The following ABCC8 variants were observed in gnomAD, a reference collection of about 807,000 sequenced individuals.
ABCC8 encodes the protein ATP binding cassette subfamily C member 8.
A neutral mutation model predicts 188.0 loss-of-function variants in ABCC8; 137 were observed. That is an observed-to-expected ratio of 0.73 (90% CI 0.63 to 0.84). The LOEUF (loss-of-function observed/expected upper bound fraction) is 0.84, where lower values mean the gene tolerates loss of function less well. Among genes scored for constraint, ABCC8 ranks in the 40% least tolerant of loss-of-function variants. The pLI is 0.00. For missense variants in ABCC8, 1,750 were observed against 2,072.7 expected (o/e 0.84, Z 3.02); for synonymous variants, 797 against 846.5 (o/e 0.94, Z 1.01).
chr11:17,414,401 G>A, intron 19 of ABCC8, 111 bp downstream of exon 19: 1 of 1,450,928 alleles, frequency 6.9e-7, no homozygotes, highest in Non-Finnish European at 9.6e-7. Flanking sequence ...AAGCACCTGG[G>A]GAGTGAGATG....
At chr11:17,461,549 A>C (rs998016394) in intron 5 of ABCC8, 34 bp downstream of exon 5, 1 of 1,613,758 alleles carries the variant, frequency 6.2e-7, no homozygotes, top group Admixed American at 1.7e-5. Context: ...ACCAGAAGGC[A>C]GTGAATAGAT....
At chr11:17,439,127 ACTCAACAT>A (rs1956215947) in intron 10 of ABCC8, among the ~76,000 whole-genome samples, 1 of 152,142 alleles carries the variant, frequency 6.6e-6, no homozygotes, top group South Asian at 2.1e-4. Context: ...AATAGGGCTC[ACTCAACAT>A]CCACTGAGCA....
intron 8 of ABCC8, among the ~76,000 whole-genome samples, chr11:17,445,113 T>C (rs750472639): frequency 3.9e-5 from 6 of 152,236 alleles, no homozygotes; most frequent in Non-Finnish European, 8.8e-5. Context: ...ACCTGCCCTC[T>C]CTGGGCCTCT....
chr11:17,453,418 GT>G, intron 6 of ABCC8, 135 bp from the exon 7 acceptor site: 2 of 1,209,274 alleles, frequency 1.7e-6, no homozygotes, highest in South Asian at 1.3e-5. Context: ...TTGTGCAATT[GT>G]TTATGAGTGA....
chr11:17,471,111 T>G (rs1848453282), intron 2 of ABCC8, among the ~76,000 whole-genome samples: 1 of 152,240 alleles, frequency 6.6e-6, no homozygotes, highest in African/African-American at 2.4e-5. Flanking sequence ...GATGGCCTGC[T>G]ACAGCTTGCT....
intron 37 of ABCC8, 73 bp from the exon 38 acceptor site, chr11:17,393,832 G>T: frequency 6.2e-7 from 1 of 1,613,726 alleles, no homozygotes; most frequent in Non-Finnish European, 8.5e-7. Context: ...GGGGGATGTG[G>T]AGCCCAGGTC....
At position 17,463,523 on chromosome 11, in the gene ABCC8, G is replaced by A. The variant is rs758754046; in HGVS notation, c.494C>T (p.Ser165Leu). ...CCCTGTGAGGCAGAAGCGTAGCTGCGAGAAGCCGATGGCGTGGTCCAAGAA... is the reference window on the plus strand; with the variant it reads ...CCCTGTGAGGCAGAAGCGTAGCTGCAAGAAGCCGATGGCGTGGTCCAAGAA... ...VKFLDHAIGF[S>L]QLRFCLTGLL... The change falls in exon 4 of 39, where the codon TCG becomes TTG. Residue 165 changes from serine to leucine, a missense_variant. Coordinates refer to ENST00000389817, the MANE Select transcript of ABCC8 (RefSeq NM_000352.6). The A allele has an allele frequency of 3.1e-6, 5 of 1,599,462 alleles. No individual in the cohort carries two copies. Among genetic ancestry groups the A allele is most frequent in the Admixed American group, 1.7e-5 (1 of 57,718 alleles).
chr11:17,450,389 TCC>T, intron 7 of ABCC8, among the ~76,000 whole-genome samples: 7 of 124,898 alleles, frequency 5.6e-5, no homozygotes, highest in African/African-American at 1.2e-4. Flanking sequence ...TCCTTTCCTT[TCC>T]TTCTTTCTTT....
chr11:17,402,050 C>T (rs1564885590), intron 29 of ABCC8, among the ~76,000 whole-genome samples: 1 of 152,224 alleles, frequency 6.6e-6, no homozygotes, highest in African/African-American at 2.4e-5. Flanking sequence ...CTGTAAACGC[C>T]TGCAGGGCAG....
At chr11:17,397,550 C>T (rs539730148) in intron 31 of ABCC8, 134 bp downstream of exon 31, 19 of 1,432,358 alleles carry the variant, frequency 1.3e-5, no homozygotes, top group Middle Eastern at 3.5e-4. Flanking sequence ...CCTTCCTGCC[C>T]GCACTGTCCC....
chr11:17,396,316 A>T, intron 33 of ABCC8: 1 of 375,856 alleles, frequency 2.7e-6, no homozygotes, highest in East Asian at 6.3e-5. Flanking sequence ...CCGCCCTACA[A>T]TGGAGCCACC....
At position 17,406,729 on chromosome 11, in the gene ABCC8, G is replaced by A; in HGVS notation, c.3222C>T (p.Gly1074=). The A allele has an allele frequency of 6.2e-7, 1 of 1,614,220 alleles. No individual in the cohort carries two copies. The highest frequency in any genetic ancestry group is 8.5e-7 in the Non-Finnish European group (1 of 1,180,038). Residue 1074 remains glycine (G), a synonymous_variant, in exon 26 of 39, where the codon GGC becomes GGT. Transcript: ENST00000389817. ...CAGACGTGACGAGGCACAGCACAAT[G>A]CCCAGGCTGCAGAGCACCGTGAACA... ...AMVFTVLCSL[G]IVLCLVTSVT...
At chr11:17,441,831 C>T (rs1394728796) in intron 10 of ABCC8, among the ~76,000 whole-genome samples, 1 of 152,134 alleles carries the variant, frequency 6.6e-6, no homozygotes, top group Non-Finnish European at 1.5e-5. Context: ...CATGTAATTC[C>T]AGCACTTTGG....
Position 17,402,692 on chromosome 11 carries a change from C to A in ABCC8, c.3619G>T (p.Val1207Leu). 6.2e-7 allele frequency: 1 copy of A among 1,614,208 alleles called. No homozygotes were observed. The highest frequency in any genetic ancestry group is 1.3e-5 in the African/African-American group (1 of 75,060). The change falls in exon 29 of 39, where the codon GTA becomes TTA. Residue 1207 changes from valine (V) to leucine (L), a missense_variant. Coordinates refer to ENST00000389817, the MANE Select transcript of ABCC8 (RefSeq NM_000352.6). ...GCCCGGATGGTGGTGAGTCCTTCTA[C>A]GGTTTCGGCAAAGTGTGAGAGAAGT... is the stretch of plus-strand genomic sequence containing the variant. ...LPLLSHFAET[V>L]EGLTTIRAFR...
At chr11:17,414,230 A>G (rs1011281704) in intron 19 of ABCC8, among the ~76,000 whole-genome samples, 1 of 152,188 alleles carries the variant, frequency 6.6e-6, no homozygotes, top group African/African-American at 2.4e-5. Context: ...AGACTCACAG[A>G]GAGAGCTAGC....
chr11:17,395,436 T>G (rs1206714722), intron 35 of ABCC8, 161 bp from the exon 36 acceptor site: 1 of 1,480,874 alleles, frequency 6.8e-7, no homozygotes, highest in Non-Finnish European at 9.0e-7. Context: ...CTTAGACCCA[T>G]GGGTGGGGGA....
At position 17,407,052 on chromosome 11, in the gene ABCC8, A is replaced by T. The variant is rs768341750; in HGVS notation, c.2998T>A (p.Cys1000Ser). ...CCGGCGGAGGACAGGTACTTGGCGC[A>T]GGCTCGCCATGGGATCTCAGCACGC... Reference protein sequence around the residue: ...HQRAEIPWRACAKYLSSAGIL... With the variant: ...HQRAEIPWRASAKYLSSAGIL... Residue 1000 changes from cysteine to serine, a missense_variant, in exon 25 of 39, where the codon TGC becomes AGC. Coordinates refer to ENST00000389817, the MANE Select transcript of ABCC8 (RefSeq NM_000352.6). 2 of 1,614,110 alleles carry T rather than the reference A, an allele frequency of 1.2e-6. No individual in the cohort carries two copies. The highest frequency in any genetic ancestry group is 2.2e-5 in the South Asian group (2 of 91,086).
rs140509864 is a variant in ABCC8 at position 17,433,868 on chromosome 11, A to C, written c.1631-1624T>G. 2.1e-3 allele frequency among the ~76,000 whole-genome samples: 321 copies of C among 152,300 alleles called. 1 individual carries two copies. The highest frequency in any genetic ancestry group is 7.3e-3 in the African/African-American group (304 of 41,564). ...CCAACATCATACATGCCTGTGCTTT[A>C]ACTGCCCTTCCTCATGAAGGCTAGA... On this transcript the variant is annotated intron_variant, in intron 10 of 38. Transcript: ENST00000389817.
intron 23 of ABCC8, 137 bp from the exon 24 acceptor site, chr11:17,407,590 GAC>G: frequency 6.9e-7 from 1 of 1,457,606 alleles, no homozygotes; most frequent in Middle Eastern, 1.8e-4. Flanking sequence ...GGGGCAGACA[GAC>G]ACACATTCAT....
Sources: allele counts gnomAD v4.1 joint callset (sites outside exome capture counted in the v4.1 genomes callset), GRCh38; gene constraint gnomAD v4.1.1; transcripts MANE v1.5; gene names NCBI Gene and HGNC (gene_info 2026-07-23, HGNC 2026-07-21).